The following NAV2 variants were observed in gnomAD, a reference collection of about 807,000 sequenced individuals.
The protein encoded by NAV2 is neuron navigator 2.
Under a neutral mutation model 223.2 loss-of-function variants are expected in NAV2, and 54 were observed. The observed-to-expected ratio is 0.24, with a 90% CI of 0.19 to 0.30. The LOEUF (loss-of-function observed/expected upper bound fraction) is 0.30. NAV2 is among the 10% of genes least tolerant of loss of function. The pLI is 1.00. For missense variants in NAV2, 2,806 were observed against 3,147.5 expected (o/e 0.89, Z 2.60); for synonymous variants, 1,279 against 1,239.3 (o/e 1.03, Z -0.67).
chr11:19,567,315 G>A (rs1223138850), intron 1 of NAV2, among the ~76,000 whole-genome samples: 1 of 152,190 alleles, frequency 6.6e-6, no homozygotes, highest in Non-Finnish European at 1.5e-5. Flanking sequence ...AGTGTAGTTT[G>A]CATCCTAAGT....
intron 10 of NAV2, among the ~76,000 whole-genome samples, chr11:19,949,527 T>G (rs919114129): frequency 1.3e-5 from 2 of 152,192 alleles, no homozygotes; most frequent in Admixed American, 1.3e-4. Flanking sequence ...ACTCTGTTTC[T>G]CAGCCTGGAT....
chr11:19,657,088 G>C (rs1463657000), intron 1 of NAV2, among the ~76,000 whole-genome samples: 1 of 152,150 alleles, frequency 6.6e-6, no homozygotes, highest in Non-Finnish European at 1.5e-5. Context: ...TGGGAAGTTA[G>C]CTCTACAGAT....
At chr11:19,776,631 A>AGTGTGT (rs1565295867) in intron 1 of NAV2, among the ~76,000 whole-genome samples, 1 of 22,694 alleles carries the variant, frequency 4.4e-5, no homozygotes, top group Non-Finnish European at 1.7e-4. Context: ...GGGGTCAGAA[A>AGTGTGT]ATGTGTGTGT....
intron 1 of NAV2, among the ~76,000 whole-genome samples, chr11:19,536,292 G>A (rs1460560495): frequency 2.0e-5 from 3 of 152,136 alleles, no homozygotes; most frequent in Non-Finnish European, 4.4e-5. Flanking sequence ...AAGCTCTGTT[G>A]ATTTCAAAGA....
intron 1 of NAV2, among the ~76,000 whole-genome samples, chr11:19,528,394 T>C (rs367639690): frequency 6.6e-6 from 1 of 152,134 alleles, no homozygotes; most frequent in South Asian, 2.1e-4. Flanking sequence ...GAGAGAACAG[T>C]GCGCCATGTC....
intron 1 of NAV2, among the ~76,000 whole-genome samples, chr11:19,741,937 T>G (rs1247864351): frequency 6.6e-6 from 1 of 152,084 alleles, no homozygotes; most frequent in African/African-American, 2.4e-5. Context: ...CATGCTATTT[T>G]TCATAATGCC....
intron 1 of NAV2, among the ~76,000 whole-genome samples, chr11:19,396,793 T>C (rs1346629240): frequency 6.6e-6 from 1 of 152,226 alleles, no homozygotes; most frequent in Non-Finnish European, 1.5e-5. Flanking sequence ...GATGCTTATT[T>C]AAACTCCCAC....
At chr11:19,770,247 A>T (rs991385624) in intron 1 of NAV2, among the ~76,000 whole-genome samples, 2 of 87,702 alleles carry the variant, frequency 2.3e-5, no homozygotes, top group African/African-American at 8.4e-5. Context: ...AATTTTTTTT[A>T]AGTTTAAAAA....
chr11:19,625,052 AT>A (rs2047125188), intron 1 of NAV2, among the ~76,000 whole-genome samples: 1 of 152,204 alleles, frequency 6.6e-6, no homozygotes, highest in Non-Finnish European at 1.5e-5. Flanking sequence ...AACATTTATC[AT>A]TTCCTTGTGT....
chr11:19,831,651 G>A (rs898883080), intron 1 of NAV2, among the ~76,000 whole-genome samples: 1 of 152,136 alleles, frequency 6.6e-6, no homozygotes, highest in African/African-American at 2.4e-5. Flanking sequence ...AAAATTTTCA[G>A]GCAAGAGTTT....
At chr11:19,856,703 A>G (rs1162836457) in intron 3 of NAV2, among the ~76,000 whole-genome samples, 1 of 152,248 alleles carries the variant, frequency 6.6e-6, no homozygotes, top group Admixed American at 6.5e-5. Context: ...CATTAACACA[A>G]TAGGGTGTTC....
Position 20,027,444 on chromosome 11 carries a change from G to C in NAV2, c.2769-8515G>C, listed in dbSNP as rs912452058. ...GTAAATGGGCTGTGCCTTGATTCTGGAGCAGAACTGGAAAATTGAGCAGGT... is the reference window on the plus strand; with the variant it reads ...GTAAATGGGCTGTGCCTTGATTCTGCAGCAGAACTGGAAAATTGAGCAGGT... On this transcript the variant is annotated intron_variant, in intron 11 of 37. Coordinates refer to ENST00000349880, the MANE Select transcript of NAV2 (RefSeq NM_145117.5). 1.2e-5 allele frequency: 12 copies of C among 985,382 alleles called. 1 individual carries two copies. The African/African-American group carries it at 1.6e-4, about 13-fold the overall frequency. 61.0% of individuals were successfully genotyped at this position (985,382 alleles called of 1,614,324 possible).
chr11:19,455,640 A>G (rs1335106889), intron 1 of NAV2, among the ~76,000 whole-genome samples: 1 of 152,196 alleles, frequency 6.6e-6, no homozygotes, highest in African/African-American at 2.4e-5. Context: ...TTATTATGCC[A>G]TTTTACATGA....
chr11:20,106,155 G>GTGTATATA (rs369895690), intron 35 of NAV2, among the ~76,000 whole-genome samples: 2,061 of 31,428 alleles, frequency 0.066, 536 homozygotes, highest in Middle Eastern at 0.15. Context: ...GTGTGTGTGT[G>GTGTATATA]TATATATATA....
chr11:19,942,241 G>T (rs2046464827), intron 8 of NAV2, among the ~76,000 whole-genome samples: 1 of 152,214 alleles, frequency 6.6e-6, no homozygotes, highest in South Asian at 2.1e-4. Flanking sequence ...ATAATTGGCA[G>T]TTTAGAACGT....
intron 10 of NAV2, among the ~76,000 whole-genome samples, chr11:19,977,756 A>G (rs1382830240): frequency 6.7e-6 from 1 of 150,084 alleles, no homozygotes; most frequent in Non-Finnish European, 1.5e-5. Context: ...TCCTTGAGCC[A>G]ATGTGGCCAC....
intron 22 of NAV2, among the ~76,000 whole-genome samples, chr11:20,074,325 C>A (rs567963711): frequency 6.6e-6 from 1 of 152,242 alleles, no homozygotes; most frequent in Admixed American, 6.5e-5. Context: ...CATTCTTTTG[C>A]ATTTGCTGAG....
chr11:19,884,357 C>T (rs2063403022), intron 5 of NAV2: 3 of 1,613,268 alleles, frequency 1.9e-6, no homozygotes, highest in Non-Finnish European at 2.5e-6. Context: ...AGAAAAAGAT[C>T]TCTAGGTTAG....
chr11:19,944,401 G>GT (rs2046661931), intron 8 of NAV2, among the ~76,000 whole-genome samples: 1 of 152,088 alleles, frequency 6.6e-6, no homozygotes, highest in South Asian at 2.1e-4. Context: ...CCAGCTGTCT[G>GT]TTTTCTTTCC....
Sources: gnomAD v4.1 joint callset for allele counts (sites outside exome capture counted in the v4.1 genomes callset) on GRCh38, gnomAD v4.1.1 for gene constraint, MANE v1.5 for transcripts, NCBI Gene and HGNC (gene_info 2026-07-23, HGNC 2026-07-21) for gene names.